GPC5: variants seen among roughly 807,000 people sequenced by gnomAD.
GPC5 encodes the protein glypican-5.
A neutral mutation model predicts 53.9 loss-of-function variants in GPC5; 47 were observed. That is an observed-to-expected ratio of 0.87 (90% CI 0.69 to 1.11). GPC5 has a LOEUF of 1.11. GPC5 is among the 50% of genes most tolerant of loss of function. The pLI, the probability that GPC5 is intolerant of heterozygous loss-of-function variation, is 0.00. For missense variants in GPC5, 748 were observed against 713.1 expected, an observed-to-expected ratio of 1.05 and a Z score of -0.56; for synonymous variants, 286 against 263.3, an observed-to-expected ratio of 1.09 and a Z score of -0.84.
chr13:92,859,261 C>G (rs1000274468), intron 7 of GPC5, among the ~76,000 whole-genome samples: 1 of 151,954 alleles, frequency 6.6e-6, no homozygotes, highest in African/African-American at 2.4e-5. Context: ...AAAATAATAA[C>G]AAAAATAACA....
intron 7 of GPC5, among the ~76,000 whole-genome samples, chr13:92,159,593 C>CTTTTTT (rs71120074): frequency 0.024 from 1,374 of 57,218 alleles, 284 homozygotes; most frequent in Non-Finnish European, 0.037. Context: ...TACCAATGTT[C>CTTTTTT]TTTTTTTTTT....
At chr13:92,234,682 A>T (rs992916669) in intron 7 of GPC5, among the ~76,000 whole-genome samples, 1 of 152,012 alleles carries the variant, frequency 6.6e-6, no homozygotes, top group African/African-American at 2.4e-5. Flanking sequence ...AATTGTATGG[A>T]TCCATTGCAG....
rs767444309 is a variant in GPC5 at position 92,521,115 on chromosome 13, C to T, written c.1562-345167C>T. 2.3e-4 allele frequency among the ~76,000 whole-genome samples: 35 copies of T among 152,024 alleles called. 1 individual carries two copies. The Middle Eastern group carries it at 0.02, about 89-fold the overall frequency. On this transcript the variant is annotated intron_variant, in intron 7 of 7. Coordinates refer to ENST00000377067, the MANE Select transcript of GPC5 (RefSeq NM_004466.6). Reference sequence around the variant, plus strand: ...AGGAGAACTACAAACCACTGCTCAACGAAATAAAAGAGGATATAAACAAGT... The same window carrying T: ...AGGAGAACTACAAACCACTGCTCAATGAAATAAAAGAGGATATAAACAAGT...
At chr13:91,418,869 A>G (rs1878414042) in intron 1 of GPC5, among the ~76,000 whole-genome samples, 1 of 151,978 alleles carries the variant, frequency 6.6e-6, no homozygotes, top group East Asian at 1.9e-4. Context: ...TATGATTATG[A>G]TTATTTTCTT....
At chr13:91,974,173 G>C (rs1224928539) in intron 6 of GPC5, among the ~76,000 whole-genome samples, 1 of 152,174 alleles carries the variant, frequency 6.6e-6, no homozygotes, top group East Asian at 1.9e-4. Flanking sequence ...TACTGAATGG[G>C]CAAAAACTGG....
chr13:92,426,744 T>C (rs536670024), intron 7 of GPC5, among the ~76,000 whole-genome samples: 4 of 151,932 alleles, frequency 2.6e-5, no homozygotes, highest in South Asian at 4.2e-4. Flanking sequence ...AAAATGAAAA[T>C]TAAAAATTAA....
chr13:92,708,340 A>G (rs1888017978), intron 7 of GPC5, among the ~76,000 whole-genome samples: 1 of 152,162 alleles, frequency 6.6e-6, no homozygotes, highest in South Asian at 2.1e-4. Flanking sequence ...AAAGGTTCCA[A>G]TGATGATCAG....
chr13:91,735,283 C>T (rs1349360137), intron 4 of GPC5, among the ~76,000 whole-genome samples: 1 of 151,026 alleles, frequency 6.6e-6, no homozygotes, highest in African/African-American at 2.5e-5. Flanking sequence ...GTTTCCAAGT[C>T]AAATTTTCCA....
intron 6 of GPC5, among the ~76,000 whole-genome samples, chr13:92,118,643 T>G (rs1322328278): frequency 2.0e-5 from 3 of 152,078 alleles, no homozygotes; most frequent in Non-Finnish European, 4.4e-5. Flanking sequence ...CACCATGGGT[T>G]AGAAAAAAAA....
At chr13:91,810,077 A>T (rs1391076239) in intron 5 of GPC5, among the ~76,000 whole-genome samples, 1 of 151,970 alleles carries the variant, frequency 6.6e-6, no homozygotes, top group Non-Finnish European at 1.5e-5. Flanking sequence ...TTTTTTTAAC[A>T]TTGAAACTAC....
At chr13:92,124,134 TA>T (rs146377177) in intron 6 of GPC5, among the ~76,000 whole-genome samples, 3,886 of 138,994 alleles carry the variant, frequency 0.028, 80 homozygotes, top group African/African-American at 0.07. Flanking sequence ...GCTTTTCTTT[TA>T]AAAAAAAAAA....
intron 6 of GPC5, among the ~76,000 whole-genome samples, chr13:92,143,785 T>C (rs1231959932): frequency 2.6e-5 from 4 of 152,178 alleles, no homozygotes; most frequent in African/African-American, 9.6e-5. Flanking sequence ...TTTGACTCTC[T>C]GTTCTTCAGT....
At chr13:91,944,777 G>A (rs975331602) in intron 6 of GPC5, among the ~76,000 whole-genome samples, 6 of 152,090 alleles carry the variant, frequency 3.9e-5, no homozygotes, top group Admixed American at 2.6e-4. Flanking sequence ...TGTAAACAGC[G>A]TTCCCTGCAA....
At chr13:92,506,931 C>A (rs1310392512) in intron 7 of GPC5, among the ~76,000 whole-genome samples, 1 of 152,136 alleles carries the variant, frequency 6.6e-6, no homozygotes, top group Non-Finnish European at 1.5e-5. Flanking sequence ...CAGATCATTG[C>A]ACTTAAGATA....
intron 3 of GPC5, among the ~76,000 whole-genome samples, chr13:91,722,996 A>C (rs1169321522): frequency 3.9e-5 from 6 of 152,146 alleles, no homozygotes. Context: ...TCCTTGTTGC[A>C]ATACTAGAAT....
chr13:91,494,915 C>T (rs1334360336), intron 2 of GPC5, among the ~76,000 whole-genome samples: 2 of 152,180 alleles, frequency 1.3e-5, no homozygotes, highest in Non-Finnish European at 2.9e-5. Context: ...ACTTATCTCA[C>T]CAAATCATAC....
At chr13:91,543,288 G>A (rs193224587) in intron 2 of GPC5, among the ~76,000 whole-genome samples, 9 of 152,068 alleles carry the variant, frequency 5.9e-5, no homozygotes, top group African/African-American at 1.9e-4. Context: ...CCACCGCTCC[G>A]GCCCCCAATT....
At chr13:91,439,343 A>T (rs186581311) in intron 1 of GPC5, among the ~76,000 whole-genome samples, 1 of 152,274 alleles carries the variant, frequency 6.6e-6, no homozygotes, top group Non-Finnish European at 1.5e-5. Flanking sequence ...GAGAAAAAAA[A>T]GAATTATCTA....
chr13:91,566,928 A>ATTAT (rs1230481999), intron 2 of GPC5, among the ~76,000 whole-genome samples: 1 of 110,606 alleles, frequency 9.0e-6, no homozygotes. Flanking sequence ...TTTTCTTCCA[A>ATTAT]TTCTTTTTTT....
Sources: allele counts gnomAD v4.1 joint callset (sites outside exome capture counted in the v4.1 genomes callset), GRCh38; gene constraint gnomAD v4.1.1; transcripts MANE v1.5; gene names NCBI Gene and HGNC (gene_info 2026-07-23, HGNC 2026-07-21).